The following LMAN1L variants were observed in gnomAD, a reference collection of about 807,000 sequenced individuals.
LMAN1L encodes lectin, mannose binding 1 like.
In LMAN1L, 60 loss-of-function variants were observed where a neutral mutation model predicts 58.3. That is an observed-to-expected ratio of 1.03 (90% CI 0.84 to 1.27). LMAN1L has a LOEUF of 1.27. LMAN1L is among the 50% of genes most tolerant of loss of function. The pLI is 0.00. For synonymous variants in LMAN1L, 280 were observed against 271.6 expected (o/e 1.03, Z -0.31); for missense variants, 629 against 674.0 (o/e 0.93, Z 0.74).
Position 74,821,819 on chromosome 15 carries a change from C to A in LMAN1L, c.1060-10C>A, listed in dbSNP as rs1252318284. ...ACTCCAGGGCCAAGCCTCTCTGATCCTATCCCCAGGCCCTGGATGCTTCCT... is the reference window on the plus strand; with the variant it reads ...ACTCCAGGGCCAAGCCTCTCTGATCATATCCCCAGGCCCTGGATGCTTCCT... On this transcript the variant is annotated splice_polypyrimidine_tract_variant and intron_variant, in intron 9 of 13. Transcript: ENST00000309664. 1.2e-6 allele frequency: 2 copies of A among 1,605,180 alleles called. No individual in the cohort carries two copies. Among genetic ancestry groups the A allele is most frequent in the South Asian group, 2.2e-5 (2 of 90,692 alleles).
chr15:74,817,537 C>T lies in LMAN1L; in HGVS notation c.497+847C>T, dbSNP rs2063897303. ...GTCCAGAGACACTCAGCGTTTAACACTCTTCTCCTGACTCCCCAGAGCCTG... is the reference window on the plus strand; with the variant it reads ...GTCCAGAGACACTCAGCGTTTAACATTCTTCTCCTGACTCCCCAGAGCCTG... On this transcript the variant is annotated intron_variant, in intron 4 of 13. Coordinates refer to ENST00000309664, the MANE Select transcript of LMAN1L (RefSeq NM_021819.3). 2.0e-5 allele frequency among the ~76,000 whole-genome samples: 3 copies of T among 152,356 alleles called. No individual in the cohort carries two copies. The South Asian group carries it at 6.2e-4, about 32-fold the overall frequency.
rs568109724 is a variant in LMAN1L at position 74,816,647 on chromosome 15, C to T, written c.454C>T (p.Arg152Cys). Residue 152 changes from arginine to cysteine, a missense_variant, in exon 4 of 14, where the codon CGT becomes TGT. Physicochemically the swap from Arg to Cys is radical, Grantham distance 180. Transcript: ENST00000309664. ...CTCCCTGCAGGACAGTCCTGCCATC[C>T]GTGTGCTGGCCAGCGACGGGCACAT... ...AEDTQDSPAI[R>C]VLASDGHIPS... The T allele has an allele frequency of 6.8e-6, 11 of 1,613,856 alleles. No homozygotes were observed. The highest frequency in any genetic ancestry group is 2.2e-5 in the South Asian group (2 of 91,064).
At chr15:74,821,333 AG>A in intron 9 of LMAN1L, 107 bp downstream of exon 9, 1 of 1,329,382 alleles carries the variant, frequency 7.5e-7, no homozygotes, top group Admixed American at 2.5e-5. Flanking sequence ...AAAGGAAGGC[AG>A]GGATGAAATG....
intron 8 of LMAN1L, 130 bp downstream of exon 8, chr15:74,820,897 G>A: frequency 2.2e-6 from 3 of 1,383,272 alleles, no homozygotes; most frequent in Non-Finnish European, 1.9e-6. Context: ...CAGGCCCTGG[G>A]CCCAAGTGTT....
In LMAN1L at chr15:74,814,366, G is replaced by GTTT. The variant is rs781652776; in HGVS notation, c.175+1340_175+1342dup. 8.7e-3 allele frequency among the ~76,000 whole-genome samples: 620 copies of GTTT among 71,360 alleles called. 45 individuals carry two copies. Among genetic ancestry groups the GTTT allele is most frequent in the African/African-American group, 0.017 (413 of 24,500 alleles). 46.8% of individuals were successfully genotyped at this position (71,360 alleles called of 152,430 possible). A position where few individuals can be genotyped will look rare whatever the true frequency, so the allele number is the denominator to read the frequency against. On this transcript the variant is annotated intron_variant, in intron 1 of 13. Coordinates refer to ENST00000309664, the MANE Select transcript of LMAN1L (RefSeq NM_021819.3). ...GTGCCACCACACGCAGCTAATTTTT[G>GTTT]TTTTTGTTTTTGTTTTTTTTTTTTT...
At position 74,821,102 on chromosome 15, in the gene LMAN1L, C is replaced by T. The variant is rs530877348; in HGVS notation, c.935C>T (p.Thr312Met). 7.3e-5 allele frequency: 115 copies of T among 1,574,076 alleles called. No individual in the cohort carries two copies. The highest frequency in any genetic ancestry group is 5.7e-4 in the South Asian group (49 of 85,718). Residue 312 changes from threonine (T) to methionine (M), a missense_variant, in exon 9 of 14, where the codon ACG (threonine) becomes ATG (methionine). By Grantham distance (81) the Thr-to-Met change is moderately conservative. Around this residue, in one of 3 missense-constraint regions of LMAN1L, gnomAD observed 573 missense variants for 597.3 expected, o/e 0.96. Transcript: ENST00000309664. ...EGERLFDLEE[T>M]LGRHRRILQA... ...GAAAGGCTCTTTGACCTGGAGGAGA[C>T]GCTGGGCAGACACCGCCGGATCCTG...
chr15:74,819,377 A>C (rs1596379122), intron 6 of LMAN1L, 105 bp downstream of exon 6: 1 of 1,426,024 alleles, frequency 7.0e-7, no homozygotes, highest in Non-Finnish European at 9.5e-7. Flanking sequence ...ACTTCACCAC[A>C]TGACCTGGGC....
Position 74,821,200 on chromosome 15 carries a change from G to A in LMAN1L, c.1033G>A (p.Gly345Ser). The A allele has an allele frequency of 6.5e-7, 1 of 1,549,894 alleles. No individual in the cohort carries two copies. The highest frequency in any genetic ancestry group is 8.7e-7 in the Non-Finnish European group (1 of 1,147,192). ...RQWKKQLGPP[G>S]QARPDGGWAL... ...ATGGAAGAAGCAGCTGGGGCCCCCA[G>A]GCCAAGCCAGGCCTGACGGAGGCTG... Residue 345 changes from glycine (G) to serine (S), a missense_variant, in exon 9 of 14, where the codon GGC becomes AGC. By Grantham distance (56) the Gly-to-Ser change is moderately conservative. Around this residue, in one of 3 missense-constraint regions of LMAN1L, gnomAD observed 573 missense variants for 597.3 expected, o/e 0.96. Coordinates refer to ENST00000309664, the MANE Select transcript of LMAN1L (RefSeq NM_021819.3).
intron 5 of LMAN1L, 89 bp downstream of exon 5, chr15:74,818,906 G>A (rs1355924019): frequency 1.7e-6 from 2 of 1,203,878 alleles, no homozygotes; most frequent in Non-Finnish European, 2.4e-6. Context: ...CAGTGCCTGT[G>A]ACACCACGTG....
At position 74,819,178 on chromosome 15, in the gene LMAN1L, C is replaced by G; in HGVS notation, c.624C>G (p.Pro208=). 1.2e-6 allele frequency: 2 copies of G among 1,613,694 alleles called. No homozygotes were observed. The highest frequency in any genetic ancestry group is 1.7e-6 in the Non-Finnish European group (2 of 1,179,748). Residue 208 remains proline (P), a synonymous_variant, in exon 6 of 14, where the codon CCC becomes CCG. Coordinates refer to ENST00000309664, the MANE Select transcript of LMAN1L (RefSeq NM_021819.3). ...TGTCCTTGAACAGTGGCCTCACTCC[C>G]AGTGATCCAGGTGAGTTCTGTGTGG... ...LRMSLNSGLT[P]SDPGEFCVDV...
intron 4 of LMAN1L, among the ~76,000 whole-genome samples, 198 bp from the exon 5 acceptor site, chr15:74,818,520 C>G (rs879101543): frequency 6.6e-6 from 1 of 152,122 alleles, no homozygotes; most frequent in Non-Finnish European, 1.5e-5. Context: ...AATGTGAAAC[C>G]CCATCTCTGC....
chr15:74,818,606 A>G, intron 4 of LMAN1L, 112 bp from the exon 5 acceptor site: 1 of 760,930 alleles, frequency 1.3e-6, no homozygotes, highest in Non-Finnish European at 2.3e-6. Context: ...AGGTGGGAGG[A>G]TCACTTGAGC....
At chr15:74,813,537 G>A (rs4886620) in intron 1 of LMAN1L, 47,972 of 451,106 alleles carry the variant, frequency 0.11, 5,157 homozygotes, top group South Asian at 0.33. Context: ...AGGCATGAGA[G>A]CATCTTAGCC....
chr15:74,820,007 G>C, intron 6 of LMAN1L, 37 bp from the exon 7 acceptor site: 1 of 1,590,648 alleles, frequency 6.3e-7, no homozygotes, highest in Non-Finnish European at 8.6e-7. Context: ...TTGCTGGGTG[G>C]AGGGGTCTTA....
Position 74,822,665 on chromosome 15 carries a change from G to A in LMAN1L, c.1155G>A (p.Leu385=). 6.2e-7 allele frequency: 1 copy of A among 1,614,094 alleles called. No individual in the cohort carries two copies. The highest frequency in any genetic ancestry group is 8.5e-7 in the Non-Finnish European group (1 of 1,179,988). ...AGGACTCTGCCAAGGTCGGTGCCCT[G>A]CTCCATGGACAGTGGACTCTGCTCC... ...LNKDSAKVGA[L]LHGQWTLLQA... is the part of the protein sequence containing the mutation. Residue 385 remains leucine (L), a synonymous_variant, in exon 11 of 14, where the codon CTG becomes CTA. Coordinates refer to ENST00000309664, the MANE Select transcript of LMAN1L (RefSeq NM_021819.3).
Position 74,821,171 on chromosome 15 carries a change from G to C in LMAN1L, c.1004G>C (p.Arg335Thr), listed in dbSNP as rs1190349395. ...TCCAAGCAGCTGGCCCAGGCTGAGA[G>C]ACAATGGAAGAAGCAGCTGGGGCCC... ...GLSKQLAQAE[R>T]QWKKQLGPPG... The change falls in exon 9 of 14, where the codon AGA becomes ACA. Residue 335 changes from arginine to threonine, a missense_variant. Arg to Thr is a moderately conservative substitution (Grantham distance 71, BLOSUM62 -1). Transcript: ENST00000309664. 1 of 1,552,086 alleles carries C rather than the reference G, an allele frequency of 6.4e-7. No individual in the cohort carries two copies. The highest frequency in any genetic ancestry group is 2.0e-5 in the Admixed American group (1 of 51,106).
rs538099837 is a variant in LMAN1L at position 74,819,193 on chromosome 15, G to A, written c.639G>A (p.Glu213=). ...GCCTCACTCCCAGTGATCCAGGTGAGTTCTGTGTGGATGTGGGGCCCCTGC... is the reference window on the plus strand; with the variant it reads ...GCCTCACTCCCAGTGATCCAGGTGAATTCTGTGTGGATGTGGGGCCCCTGC... ...NSGLTPSDPG[E]FCVDVGPLLL... Residue 213 remains glutamate, a synonymous_variant, in exon 6 of 14, where the codon GAG becomes GAA. Coordinates refer to ENST00000309664, the MANE Select transcript of LMAN1L (RefSeq NM_021819.3). The A allele has an allele frequency of 6.2e-7, 1 of 1,614,174 alleles. No homozygotes were observed. Among genetic ancestry groups the A allele is most frequent in the East Asian group, 2.2e-5 (1 of 44,880 alleles).
chr15:74,813,053 G>A (rs770289864), intron 1 of LMAN1L, 24 bp downstream of exon 1: 1 of 1,597,934 alleles, frequency 6.3e-7, no homozygotes, highest in Admixed American at 1.7e-5. Context: ...GTGGGGACCA[G>A]CTATGCCCAG....
chr15:74,825,349 CAGAAAGTCCA>C, intron 13 of LMAN1L, 117 bp from the exon 14 acceptor site: 3 of 1,054,824 alleles, frequency 2.8e-6, no homozygotes. Context: ...AAAGGAGCCA[CAGAAAGTCCA>C]AGAACAGCGG....
Sources: gnomAD v4.1 joint callset for allele counts (sites outside exome capture counted in the v4.1 genomes callset) on GRCh38, gnomAD v4.1.1 for gene constraint, gnomAD v4.1.1 regional missense constraint, MANE v1.5 for transcripts, NCBI Gene and HGNC (gene_info 2026-07-23, HGNC 2026-07-21) for gene names.